Variants in SEMA6D observed in about 807,000 individuals in gnomAD.
SEMA6D encodes the protein semaphorin-6D.
Under a neutral mutation model 106.6 loss-of-function variants are expected in SEMA6D, and 35 were observed. The observed-to-expected ratio is 0.33, with a 90% CI of 0.25 to 0.44. The LOEUF is 0.44. Among genes scored for constraint, SEMA6D ranks in the 20% least tolerant of loss-of-function variants. The probability of loss-of-function intolerance (pLI) is 1.00; values close to 1 mark genes in which losing one functional copy is unlikely to be tolerated. For synonymous variants in SEMA6D, 499 were observed against 487.7 expected, an observed-to-expected ratio of 1.02 and a Z score of -0.31; for missense variants, 1,185 against 1,345.9, an observed-to-expected ratio of 0.88 and a Z score of 1.87.
chr15:47,547,976 GT>G (rs1370876407), intron 3 of SEMA6D, among the ~76,000 whole-genome samples: 5 of 152,080 alleles, frequency 3.3e-5, no homozygotes, highest in Admixed American at 2.0e-4. Context: ...ATGAAAACAT[GT>G]TTTTTTCTCT....
intron 1 of SEMA6D, among the ~76,000 whole-genome samples, chr15:47,316,068 T>TTTC (rs1292585064): frequency 6.7e-6 from 1 of 149,154 alleles, no homozygotes; most frequent in Non-Finnish European, 1.5e-5. Context: ...GACAGTTTTA[T>TTTC]TTCTTGCTTC....
chr15:47,636,227 A>G (rs2144624848), intron 4 of SEMA6D, among the ~76,000 whole-genome samples: 1 of 152,348 alleles, frequency 6.6e-6, no homozygotes, highest in South Asian at 2.1e-4. Context: ...AATACAAAAT[A>G]AGAGTAATAA....
intron 4 of SEMA6D, among the ~76,000 whole-genome samples, chr15:47,708,750 C>T (rs1596704222): frequency 6.6e-6 from 1 of 152,134 alleles, no homozygotes; most frequent in Admixed American, 6.6e-5. Flanking sequence ...GGTGAGATAA[C>T]TGTAATAAGG....
chr15:47,500,635 C>G (rs2043817635), intron 3 of SEMA6D, among the ~76,000 whole-genome samples: 1 of 152,168 alleles, frequency 6.6e-6, no homozygotes, highest in Non-Finnish European at 1.5e-5. Context: ...CCAGGTCCCT[C>G]TTACAGAGGT....
chr15:47,615,786 CTCTT>C (rs2076996652), intron 4 of SEMA6D, among the ~76,000 whole-genome samples: 1 of 152,194 alleles, frequency 6.6e-6, no homozygotes, highest in African/African-American at 2.4e-5. Context: ...CAGAAATTGT[CTCTT>C]TGCGAAAGCA....
chr15:47,424,390 G>T (rs1197210192), intron 2 of SEMA6D, among the ~76,000 whole-genome samples: 1 of 151,920 alleles, frequency 6.6e-6, no homozygotes, highest in Non-Finnish European at 1.5e-5. Flanking sequence ...AAAATTAATT[G>T]TGCTTTCAAT....
intron 1 of SEMA6D, among the ~76,000 whole-genome samples, chr15:47,392,917 G>C (rs2145845000): frequency 6.6e-6 from 1 of 152,242 alleles, no homozygotes; most frequent in South Asian, 2.1e-4. Context: ...TCTAGAGAGA[G>C]ACTCCTGTCC....
At chr15:47,521,959 T>C (rs1037878261) in intron 3 of SEMA6D, among the ~76,000 whole-genome samples, 9 of 145,556 alleles carry the variant, frequency 6.2e-5, no homozygotes, top group African/African-American at 2.1e-4. Flanking sequence ...CACTCCAGCC[T>C]GGGGGACAGA....
chr15:47,608,569 A>G (rs1378856203), intron 4 of SEMA6D, among the ~76,000 whole-genome samples: 1 of 152,168 alleles, frequency 6.6e-6, no homozygotes, highest in Non-Finnish European at 1.5e-5. Flanking sequence ...CTTCCCAGTT[A>G]AAGAGCAGTG....
intron 4 of SEMA6D, among the ~76,000 whole-genome samples, chr15:47,665,827 A>G (rs2078015330): frequency 6.6e-6 from 1 of 152,192 alleles, no homozygotes; most frequent in South Asian, 2.1e-4. Flanking sequence ...ATAAATAAAT[A>G]ATAGTTTACT....
Position 47,673,648 on chromosome 15 carries a change from A to G in SEMA6D, c.-55+72752A>G, listed in dbSNP as rs544218421. 2.6e-5 allele frequency among the ~76,000 whole-genome samples: 4 copies of G among 152,312 alleles called. No homozygotes were observed. In the East Asian group the frequency reaches 7.7e-4, roughly 29 times the overall value. On this transcript the variant is annotated intron_variant, in intron 4 of 19. Coordinates refer to the SEMA6D transcript ENST00000558014. ...GAAAAACAACCCAGTCTATGGGGCA[A>G]GACCAGCCCTGCTCAGGAACTTGCA... is the stretch of plus-strand genomic sequence containing the variant.
chr15:47,416,232 A>G (rs2040964960), intron 2 of SEMA6D, among the ~76,000 whole-genome samples: 1 of 152,048 alleles, frequency 6.6e-6, no homozygotes, highest in African/African-American at 2.4e-5. Flanking sequence ...CATCATTTGT[A>G]CCTTCTGTGA....
chr15:47,258,141 TG>T (rs1337363127), intron 1 of SEMA6D, among the ~76,000 whole-genome samples: 4 of 152,170 alleles, frequency 2.6e-5, no homozygotes, highest in Non-Finnish European at 5.9e-5. Flanking sequence ...TCACTTAGGG[TG>T]GGAAATTTTA....
rs1555389727 is a variant in SEMA6D, at chr15:47,552,905, T to TTTATATATATATATATATAA, written c.-86-47960_-86-47959insTTATATATATATATATATAA. 4.0e-3 allele frequency among the ~76,000 whole-genome samples: 375 copies of TTTATATATATATATATATAA among 94,810 alleles called. 16 individuals are homozygous for TTTATATATATATATATATAA. Among genetic ancestry groups the TTTATATATATATATATATAA allele is most frequent in the Middle Eastern group, 9.4e-3 (2 of 212 alleles). 62.2% of individuals were successfully genotyped at this position (94,810 alleles called of 152,430 possible). On this transcript the variant is annotated intron_variant, in intron 3 of 19. Transcript: ENST00000558014. Reference sequence around the variant, plus strand: ...AAATATATATAAATATATATATATATAAATATATATATATTTGAGATGGAG... The same window carrying TTTATATATATATATATATAA: ...AAATATATATAAATATATATATATATTTATATATATATATATATAAAAATATATATATATTTGAGATGGAG...
chr15:47,187,785 A>C (rs1487662155), intron 1 of SEMA6D, among the ~76,000 whole-genome samples: 2 of 146,980 alleles, frequency 1.4e-5, no homozygotes, highest in African/African-American at 5.0e-5. Flanking sequence ...CTGGTTAGAG[A>C]ACTTACTGTT....
chr15:47,221,678 GTCA>G (rs1295735170), intron 1 of SEMA6D, among the ~76,000 whole-genome samples: 2 of 152,302 alleles, frequency 1.3e-5, no homozygotes, highest in African/African-American at 2.4e-5. Flanking sequence ...CTCTGATTTT[GTCA>G]TCAACAGGTA....
chr15:47,747,003 T>TATATATATATATATATA (rs1555422789), intron 1 of SEMA6D, among the ~76,000 whole-genome samples: 10 of 149,188 alleles, frequency 6.7e-5, no homozygotes, highest in South Asian at 2.1e-4. Flanking sequence ...TATATATATA[T>TATATATATATATATATA]TTCGATTGTA....
chr15:47,519,588 C>G (rs1469848160), intron 3 of SEMA6D, among the ~76,000 whole-genome samples: 4 of 152,124 alleles, frequency 2.6e-5, no homozygotes, highest in African/African-American at 9.7e-5. Context: ...AGCAATAAAT[C>G]ATTGTTCAAA....
At chr15:47,648,946 CA>C (rs2144901097) in intron 4 of SEMA6D, among the ~76,000 whole-genome samples, 1 of 152,244 alleles carries the variant, frequency 6.6e-6, no homozygotes, top group African/African-American at 2.4e-5. Context: ...ATATTGACAA[CA>C]GCAAGTGAGG....
Sources: gnomAD v4.1 joint callset for allele counts (sites outside exome capture counted in the v4.1 genomes callset) on GRCh38, gnomAD v4.1.1 for gene constraint, MANE v1.5 for transcripts, NCBI Gene and HGNC (gene_info 2026-07-23, HGNC 2026-07-21) for gene names.